PYHIN1: variants seen among roughly 807,000 people sequenced by gnomAD.
PYHIN1 encodes the protein pyrin and HIN domain-containing protein 1.
A neutral mutation model predicts 43.7 loss-of-function variants in PYHIN1; 32 were observed. That is an observed-to-expected ratio of 0.73 (90% confidence interval 0.55 to 0.98). PYHIN1 has a LOEUF of 0.98. Ranked by LOEUF, PYHIN1 falls within the 50% of genes least tolerant of loss-of-function variation. The pLI, the probability that PYHIN1 is intolerant of heterozygous loss-of-function variation, is 0.00. For missense variants in PYHIN1, 588 were observed against 589.5 expected (o/e 1.00, Z 0.03); for synonymous variants, 205 against 203.1 (o/e 1.01, Z -0.08).
the PYHIN1 span, among the ~76,000 whole-genome samples, chr1:158,982,803 T>C: frequency 3.3e-5 from 5 of 152,166 alleles, no homozygotes; most frequent in Non-Finnish European, 7.4e-5. Flanking sequence ...GTTTGTATCA[T>C]CTCTAATTTC....
intron 7 of PYHIN1, among the ~76,000 whole-genome samples, chr1:158,961,797 C>A (rs1356647131): frequency 6.6e-6 from 1 of 152,144 alleles, no homozygotes; most frequent in Non-Finnish European, 1.5e-5. Flanking sequence ...TACAAGGAAC[C>A]CTTGGAGCCT....
At chr1:158,963,890 G>A (rs988296105) in intron 7 of PYHIN1, among the ~76,000 whole-genome samples, 5 of 152,134 alleles carry the variant, frequency 3.3e-5, no homozygotes, top group Admixed American at 2.0e-4. Context: ...AGGCTGAAAT[G>A]GCTGAAATGA....
chr1:158,952,070 G>GCGT (rs1354284984), intron 7 of PYHIN1, among the ~76,000 whole-genome samples: 1 of 151,622 alleles, frequency 6.6e-6, no homozygotes, highest in Non-Finnish European at 1.5e-5. Context: ...GGTGGTGGCT[G>GCGT]CGTTGCGCTT....
downstream of PYHIN1, among the ~76,000 whole-genome samples, chr1:158,981,786 C>T (rs1450060013): frequency 6.6e-6 from 1 of 152,168 alleles, no homozygotes; most frequent in Non-Finnish European, 1.5e-5. Flanking sequence ...TCCCTTTTCT[C>T]TACAACCTCA....
chr1:158,943,261 G>A (rs888086947), intron 5 of PYHIN1, among the ~76,000 whole-genome samples: 1 of 152,198 alleles, frequency 6.6e-6, no homozygotes, highest in Non-Finnish European at 1.5e-5. Flanking sequence ...TAGCCTTGAT[G>A]AGCAAGAAAT....
At chr1:158,960,702 C>G (rs12059838) in intron 7 of PYHIN1, among the ~76,000 whole-genome samples, 2,923 of 152,246 alleles carry the variant, frequency 0.019, 87 homozygotes, top group African/African-American at 0.066. Context: ...TCATTGATGT[C>G]TTATGTTATG....
chr1:158,931,857 T>A (rs970167162), intron 1 of PYHIN1, 81 bp downstream of exon 1: 1 of 152,182 alleles, frequency 6.6e-6, no homozygotes, highest in Non-Finnish European at 1.5e-5. Flanking sequence ...AAAATCGATA[T>A]TGGTTCTTCA....
Position 158,977,040 on chromosome 1 carries a change from C to CTT in PYHIN1, c.*352_*353dup, listed in dbSNP as rs35746133. The CTT allele has an allele frequency of 4.5e-5, 7 of 154,818 alleles. No individual in the cohort carries two copies. The highest frequency in any genetic ancestry group is 7.1e-5 in the Non-Finnish European group (5 of 70,726). 9.6% of individuals were successfully genotyped at this position (154,818 alleles called of 1,614,324 possible). On this transcript the variant is annotated 3_prime_UTR_variant, in exon 9 of 9. Coordinates refer to ENST00000368140, the MANE Select transcript of PYHIN1 (RefSeq NM_152501.5). ...TTTTCATAATTTGAAAAAAAATAAACTTTTTTTTCTTAAAGAGTGCTTCCA... is the reference window on the plus strand; with the variant it reads ...TTTTCATAATTTGAAAAAAAATAAACTTTTTTTTTTCTTAAAGAGTGCTTCCA...
At chr1:158,983,399 C>A in the PYHIN1 span, among the ~76,000 whole-genome samples, 1 of 151,914 alleles carries the variant, frequency 6.6e-6, no homozygotes, top group Non-Finnish European at 1.5e-5. Context: ...TAGATAATCA[C>A]GTGATTTTTG....
At chr1:158,975,729 G>A (rs1033904823) in intron 8 of PYHIN1, among the ~76,000 whole-genome samples, 2 of 152,074 alleles carry the variant, frequency 1.3e-5, no homozygotes, top group South Asian at 2.1e-4. Flanking sequence ...GGACATCTAA[G>A]AATTATCCAT....
chr1:158,971,097 T>G (rs193251611), intron 7 of PYHIN1, among the ~76,000 whole-genome samples: 69 of 152,136 alleles, frequency 4.5e-4, no homozygotes, highest in Admixed American at 4.1e-3. Context: ...CATTTGTTTT[T>G]ATAATCCAGA....
intron 7 of PYHIN1, among the ~76,000 whole-genome samples, chr1:158,950,458 G>A (rs557664054): frequency 1.3e-4 from 20 of 152,216 alleles, no homozygotes; most frequent in Non-Finnish European, 2.6e-4. Context: ...TCCTAGCCAC[G>A]CTGTGATATG....
At chr1:158,956,133 T>C (rs202065641) in intron 7 of PYHIN1, among the ~76,000 whole-genome samples, 13 of 137,138 alleles carry the variant, frequency 9.5e-5, no homozygotes, top group East Asian at 2.2e-4. Flanking sequence ...CCAAAAAGAG[T>C]CCAGGACCAG....
chr1:158,942,051 G>T lies in PYHIN1; in HGVS notation c.654G>T (p.Met218Ile). The change falls in exon 5 of 9, where the codon ATG becomes ATT. Residue 218 changes from methionine to isoleucine, a missense_variant. Coordinates refer to ENST00000368140, the MANE Select transcript of PYHIN1 (RefSeq NM_152501.5). ...NIFREDPIIAMVLNATKVFKY... is the reference protein window; with the variant it reads ...NIFREDPIIAIVLNATKVFKY... ...TCCGAGAAGACCCAATAATCGCGAT[G>T]GTACTAAATGCAACAAAAGTATTTA... is the stretch of plus-strand genomic sequence containing the variant. The T allele has an allele frequency of 3.1e-6, 5 of 1,613,376 alleles. No individual in the cohort carries two copies. The highest frequency in any genetic ancestry group is 4.2e-6 in the Non-Finnish European group (5 of 1,179,810).
chr1:158,934,616 C>T (rs1456559389), intron 1 of PYHIN1, among the ~76,000 whole-genome samples: 1 of 152,074 alleles, frequency 6.6e-6, no homozygotes, highest in Non-Finnish European at 1.5e-5. Flanking sequence ...TCTGAGGACA[C>T]TCATGTTCTC....
intron 1 of PYHIN1, among the ~76,000 whole-genome samples, chr1:158,934,186 T>C (rs568947127): frequency 1.3e-5 from 2 of 152,288 alleles, no homozygotes; most frequent in South Asian, 2.1e-4. Flanking sequence ...CCCAGTGTTA[T>C]CAGTGTCATT....
At chr1:158,967,252 A>G (rs551231364) in intron 7 of PYHIN1, among the ~76,000 whole-genome samples, 1 of 152,154 alleles carries the variant, frequency 6.6e-6, no homozygotes, top group Non-Finnish European at 1.5e-5. Flanking sequence ...ATTGTGTCTT[A>G]TGTGACAGGC....
downstream of PYHIN1, among the ~76,000 whole-genome samples, chr1:158,977,698 C>T (rs563565224): frequency 2.4e-4 from 37 of 152,186 alleles, no homozygotes; most frequent in Admixed American, 1.1e-3. Context: ...TAATCTTCAC[C>T]GTAGCTCTAG....
chr1:158,990,439 T>C, the PYHIN1 span, among the ~76,000 whole-genome samples: 1 of 152,112 alleles, frequency 6.6e-6, no homozygotes, highest in Non-Finnish European at 1.5e-5. Context: ...ATATGATGTT[T>C]TGAAGTATAT....
Sources: gnomAD v4.1 joint callset for allele counts (sites outside exome capture counted in the v4.1 genomes callset) on GRCh38, gnomAD v4.1.1 for gene constraint, MANE v1.5 for transcripts, NCBI Gene and HGNC (gene_info 2026-07-23, HGNC 2026-07-21) for gene names.